Variants in CDHR5 observed in about 807,000 individuals in gnomAD.
CDHR5 encodes the protein cadherin-related family member 5.
A neutral mutation model predicts 69.5 loss-of-function variants in CDHR5; 82 were observed. That is an observed-to-expected ratio of 1.18 (90% CI 0.99 to 1.42). CDHR5 has a LOEUF of 1.42. Among genes scored for constraint, CDHR5 ranks in the 40% most tolerant of loss-of-function variants. CDHR5 has a pLI of 0.00. For synonymous variants in CDHR5, 601 were observed against 510.2 expected (o/e 1.18, Z -2.40); for missense variants, 1,293 against 1,168.9 (o/e 1.11, Z -1.55).
chr11:616,900 TGGG>T lies in CDHR5; in HGVS notation c.*448_*450del, dbSNP rs1278257456. On this transcript the variant is annotated 3_prime_UTR_variant, in exon 15 of 15. Transcript: ENST00000397542. ...CCACCGGCTCCCAAGTGCGTCGCCTTGGGGGTTTGCATCGGCTCCTCAGCCTCC... is the reference window on the plus strand; with the variant it reads ...CCACCGGCTCCCAAGTGCGTCGCCTTGGTTTGCATCGGCTCCTCAGCCTCC... 1 of 186,800 alleles carries T rather than the reference TGGG, an allele frequency of 5.4e-6. No homozygotes were observed. The highest frequency in any genetic ancestry group is 1.6e-4 in the East Asian group (1 of 6,302). The allele number at this position is 186,800 out of a possible 1,614,324, so 11.6% of individuals were successfully genotyped here.
In CDHR5 at chr11:618,102, G is replaced by GGGCC; in HGVS notation, c.1966_1969dup (p.Pro657ArgfsTer59). 1 of 1,608,838 alleles carries GGGCC rather than the reference G, an allele frequency of 6.2e-7. No homozygotes were observed. The highest frequency in any genetic ancestry group is 1.7e-5 in the Admixed American group (1 of 59,208). Reference sequence around the variant, plus strand: ...CACCGAGAAGCGCTTGTCCTCCGAGGGGCCGCCACCTGGCATCGCAGTGGA... The same window carrying GGGCC: ...CACCGAGAAGCGCTTGTCCTCCGAGGGGCCGGCCGCCACCTGGCATCGCAGTGGA... On this transcript the variant is annotated frameshift_variant, in exon 14 of 15. Transcript: ENST00000397542. LOFTEE classifies it high-confidence loss of function.
chr11:622,403 C>G (rs1378167952), intron 3 of CDHR5, among the ~76,000 whole-genome samples: 1 of 150,488 alleles, frequency 6.6e-6, no homozygotes, highest in East Asian at 1.9e-4. Context: ...TGAGGAAAGA[C>G]AATCCATTTT....
In CDHR5 at chr11:624,496, C is replaced by T; in HGVS notation, c.261+61G>A. The T allele has an allele frequency of 6.5e-7, 1 of 1,528,156 alleles. No individual in the cohort carries two copies. Among genetic ancestry groups the T allele is most frequent in the Non-Finnish European group, 9.1e-7 (1 of 1,102,914 alleles). 94.7% of individuals were successfully genotyped at this position (1,528,156 alleles called of 1,614,324 possible). ...TCCTAGGCCCCCAAGGGAGGTGTGG[C>T]CTGAGGATGCAGGTGCCCTTCTCCC... On this transcript the variant is annotated intron_variant, in intron 2 of 14. Transcript: ENST00000397542. The surrounding 1 kb of genome is among the most constrained non-coding windows in gnomAD (Gnocchi z 5.3).
Position 620,443 on chromosome 11 carries a change from C to A in CDHR5, c.790-57G>T, listed in dbSNP as rs1857306596. ...TGGGGCTGGGGTGGATGGCCCCAGCCTGGCCCCTCTGACTCCCCATCAAGG... is the reference window on the plus strand; with the variant it reads ...TGGGGCTGGGGTGGATGGCCCCAGCATGGCCCCTCTGACTCCCCATCAAGG... On this transcript the variant is annotated intron_variant, in intron 7 of 14. Transcript: ENST00000397542. 12 of 1,245,728 alleles carry A rather than the reference C, an allele frequency of 9.6e-6. No homozygotes were observed. In the South Asian group the frequency reaches 1.7e-4, roughly 17 times the overall value. The allele number at this position is 1,245,728 out of a possible 1,614,324, so 77.2% of individuals were successfully genotyped here.
At chr11:620,256 A>G (rs1390993160) in intron 8 of CDHR5, 40 bp downstream of exon 8, 4 of 1,585,406 alleles carry the variant, frequency 2.5e-6, no homozygotes, top group Non-Finnish European at 3.5e-6. Context: ...ACAGGGACAG[A>G]GGGGGTACAG....
rs1447941611 is a variant in CDHR5 at position 619,773 on chromosome 11, C to T, written c.1087G>A (p.Val363Met). 4.3e-6 allele frequency: 7 copies of T among 1,610,404 alleles called. No individual in the cohort carries two copies. The highest frequency in any genetic ancestry group is 1.1e-5 in the South Asian group (1 of 91,034). Residue 363 changes from valine to methionine, a missense_variant, in exon 10 of 15, where the codon GTG (valine) becomes ATG (methionine). Val to Met is a conservative substitution (Grantham distance 21, BLOSUM62 1). Coordinates refer to ENST00000397542, the MANE Select transcript of CDHR5 (RefSeq NM_021924.5). ...ACGCCCGCTCCAGCGCCACGCGCCACGGTGCCACGATACAGTCTCTGGGGG... is the reference window on the plus strand; with the variant it reads ...ACGCCCGCTCCAGCGCCACGCGCCATGGTGCCACGATACAGTCTCTGGGGG... ...RFPQRLYRGT[V>M]ARGAGAGVVV... is the part of the protein sequence containing the mutation.
rs753606666 is a variant in CDHR5 at position 624,890 on chromosome 11, C to T, written c.13G>A (p.Ala5Thr). Residue 5 changes from alanine (A) to threonine (T), a missense_variant, in exon 1 of 15, where the codon GCC becomes ACC. Coordinates refer to ENST00000397542, the MANE Select transcript of CDHR5 (RefSeq NM_021924.5). The surrounding 1 kb of genome is among the most constrained non-coding windows in gnomAD (Gnocchi z 5.3). MGSW[A>T]LLWPPLLFTG... is the part of the protein sequence containing the mutation. Reference sequence around the variant, plus strand: ...AACAGCAGGGGAGGCCACAGCAGGGCCCAAGACCCCATCTTGGCGGCTGTC... The same window carrying T: ...AACAGCAGGGGAGGCCACAGCAGGGTCCAAGACCCCATCTTGGCGGCTGTC... 60 of 1,559,892 alleles carry T rather than the reference C, an allele frequency of 3.8e-5. No homozygotes were observed. The highest frequency in any genetic ancestry group is 4.7e-5 in the Non-Finnish European group (54 of 1,155,042).
rs1357858468 is a variant in CDHR5, at chr11:621,957, C to T, written c.313-53G>A. ...CACAGCCCCTCCCCGTTGTGAGGTGCACCCCTCGACGGCTATCCGTCCCCA... is the reference window on the plus strand; with the variant it reads ...CACAGCCCCTCCCCGTTGTGAGGTGTACCCCTCGACGGCTATCCGTCCCCA... On this transcript the variant is annotated intron_variant, in intron 3 of 14. Transcript: ENST00000397542. This position sits in a 1 kb window ranked among gnomAD's most constrained non-coding sequence, Gnocchi z 4.4. The T allele has an allele frequency of 1.3e-5, 18 of 1,407,912 alleles. No homozygotes were observed. In the African/African-American group the frequency reaches 2.3e-4, roughly 18 times the overall value. The allele number at this position is 1,407,912 out of a possible 1,614,324, so 87.2% of individuals were successfully genotyped here.
chr11:619,361 G>A lies in CDHR5; in HGVS notation c.1323C>T (p.Gly441=). The change falls in exon 12 of 15, where the codon GGC becomes GGT. Residue 441 remains glycine (G), a synonymous_variant. Transcript: ENST00000397542. ...EVEAHNTVTS[G]TATTVIEIQV... is the part of the protein sequence containing the mutation. ...GTATCTCAATGACTGTGGTTGCGGT[G>A]CCAGAGGTCACCGTGTTGTGGGCCT... 11 of 1,613,698 alleles carry A rather than the reference G, an allele frequency of 6.8e-6. No individual in the cohort carries two copies. The highest frequency in any genetic ancestry group is 9.3e-6 in the Non-Finnish European group (11 of 1,179,796).
In CDHR5 at chr11:624,627, G is replaced by T; in HGVS notation, c.191C>A (p.Ala64Asp). The T allele has an allele frequency of 6.2e-7, 1 of 1,613,144 alleles. No individual in the cohort carries two copies. Among genetic ancestry groups the T allele is most frequent in the Non-Finnish European group, 8.5e-7 (1 of 1,179,276 alleles). Reference sequence around the variant, plus strand: ...CCGAAATGCAAAGGGGGTGGACAAGGCTCCGAGGGTCACCTCCTGGCCCTC... The same window carrying T: ...CCGAAATGCAAAGGGGGTGGACAAGTCTCCGAGGGTCACCTCCTGGCCCTC... The part of the protein sequence containing the change: ...VPEGQEVTLG[A>D]LSTPFAFRIQ... The change falls in exon 2 of 15, where the codon GCC becomes GAC. Residue 64 changes from alanine to aspartate, a missense_variant. Ala to Asp is a moderately radical substitution (Grantham distance 126). Transcript: ENST00000397542. This position sits in a 1 kb window ranked among gnomAD's most constrained non-coding sequence, Gnocchi z 5.3.
chr11:619,899 A>C lies in CDHR5; in HGVS notation c.979-18T>G. On this transcript the variant is annotated intron_variant, in intron 9 of 14. Coordinates refer to ENST00000397542, the MANE Select transcript of CDHR5 (RefSeq NM_021924.5). ...TGTTGGCCCTGGAGGCGGGGGAGGCAGCAGTGACTAGTGGGGTTGAAGGTG... is the reference window on the plus strand; with the variant it reads ...TGTTGGCCCTGGAGGCGGGGGAGGCCGCAGTGACTAGTGGGGTTGAAGGTG... 1 of 1,520,606 alleles carries C rather than the reference A, an allele frequency of 6.6e-7. No individual in the cohort carries two copies. Among genetic ancestry groups the C allele is most frequent in the Non-Finnish European group, 8.8e-7 (1 of 1,134,256 alleles). The allele number at this position is 1,520,606 out of a possible 1,614,324, so 94.2% of individuals were successfully genotyped here.
rs1857566848 is a variant in CDHR5, at chr11:624,009, G to T, written c.312+204C>A. ...GGGAGTCTTGGGCACACTGGATGGG[G>T]TGTCTGCTGGACAAGGGGTCAGTGA... is the stretch of plus-strand genomic sequence containing the variant. On this transcript the variant is annotated intron_variant, in intron 3 of 14. Transcript: ENST00000397542. This position sits in a 1 kb window ranked among gnomAD's most constrained non-coding sequence, Gnocchi z 5.3. 6.6e-6 allele frequency among the ~76,000 whole-genome samples: 1 copy of T among 152,130 alleles called. No individual in the cohort carries two copies. The highest frequency in any genetic ancestry group is 1.5e-5 in the Non-Finnish European group (1 of 68,004).
At position 618,029 on chromosome 11, in the gene CDHR5, C is replaced by T. The variant is rs1352333412; in HGVS notation, c.2043G>A (p.Leu681=). 1 of 1,599,248 alleles carries T rather than the reference C, an allele frequency of 6.3e-7. No individual in the cohort carries two copies. Among genetic ancestry groups the T allele is most frequent in the African/African-American group, 1.3e-5 (1 of 74,712 alleles). The change falls in exon 14 of 15, where the codon CTG becomes CTA. Residue 681 remains leucine, a synonymous_variant. Transcript: ENST00000397542. Reference sequence around the variant, plus strand: ...CAAGGACGGCGAGGCCAAGGAGAGCCAGCAGCAGCAGCGCACCCAGCACCC... The same window carrying T: ...CAAGGACGGCGAGGCCAAGGAGAGCTAGCAGCAGCAGCGCACCCAGCACCC... The part of the protein sequence containing the change: ...LGGVLGALLL[L]ALLGLAVLVH...
Position 617,180 on chromosome 11 carries a change from A to G in CDHR5, c.*171T>C, listed in dbSNP as rs954083491. 19 of 612,338 alleles carry G rather than the reference A, an allele frequency of 3.1e-5. No individual in the cohort carries two copies. The highest frequency in any genetic ancestry group is 5.6e-5 in the Non-Finnish European group (19 of 339,586). 37.9% of individuals were successfully genotyped at this position (612,338 alleles called of 1,614,324 possible). Reference sequence around the variant, plus strand: ...CGCCTCATCTGCACACCTGGGCTCAAGCGCTAATGACGACAGGGGACTGAG... The same window carrying G: ...CGCCTCATCTGCACACCTGGGCTCAGGCGCTAATGACGACAGGGGACTGAG... On this transcript the variant is annotated 3_prime_UTR_variant, in exon 15 of 15. Transcript: ENST00000397542.
Position 624,743 on chromosome 11 carries a change from G to C in CDHR5, c.86-11C>G. ...TGTTCACAGAGCAGTCTGTAAGGTT[G>C]CAGAGGAGGGATCAGTGCCTCCCAG... On this transcript the variant is annotated splice_polypyrimidine_tract_variant and intron_variant, in intron 1 of 14. Transcript: ENST00000397542. This position sits in a 1 kb window ranked among gnomAD's most constrained non-coding sequence, Gnocchi z 5.3. 3 of 1,603,852 alleles carry C rather than the reference G, an allele frequency of 1.9e-6. No individual in the cohort carries two copies. Among genetic ancestry groups the C allele is most frequent in the Middle Eastern group, 1.7e-4 (1 of 6,010 alleles).
At chr11:623,388 C>T (rs1302784142) in intron 3 of CDHR5, among the ~76,000 whole-genome samples, 1 of 152,158 alleles carries the variant, frequency 6.6e-6, no homozygotes, top group East Asian at 1.9e-4. Flanking sequence ...GGGCACAGAG[C>T]CTGCTGTGTG....
At chr11:618,214 G>T in intron 13 of CDHR5, 103 bp from the exon 14 acceptor site, 1 of 979,038 alleles carries the variant, frequency 1.0e-6, no homozygotes, top group Non-Finnish European at 1.5e-6. Flanking sequence ...GTTCCACCCA[G>T]GCCTGGGCTG....
chr11:621,066 T>C lies in CDHR5; in HGVS notation c.789+14A>G. On this transcript the variant is annotated intron_variant, in intron 7 of 14. Transcript: ENST00000397542. The surrounding 1 kb of genome is among the most constrained non-coding windows in gnomAD (Gnocchi z 4.4). Reference sequence around the variant, plus strand: ...AAGGCCCTGCCCCGTGCACTGCCCCTCCCTCCCCATTACCAGTATGTGCCC... The same window carrying C: ...AAGGCCCTGCCCCGTGCACTGCCCCCCCCTCCCCATTACCAGTATGTGCCC... The C allele has an allele frequency of 7.5e-7, 1 of 1,335,876 alleles. No homozygotes were observed. Among genetic ancestry groups the C allele is most frequent in the Admixed American group, 2.4e-5 (1 of 40,894 alleles). 82.8% of individuals were successfully genotyped at this position (1,335,876 alleles called of 1,614,324 possible).
chr11:624,309 G>A lies in CDHR5; in HGVS notation c.262-46C>T. 1.3e-6 allele frequency: 1 copy of A among 741,912 alleles called. No homozygotes were observed. Among genetic ancestry groups the A allele is most frequent in the Non-Finnish European group, 2.5e-6 (1 of 398,808 alleles). 46.0% of individuals were successfully genotyped at this position (741,912 alleles called of 1,614,324 possible). A position where few individuals can be genotyped will look rare whatever the true frequency, so the allele number is the denominator to read the frequency against. On this transcript the variant is annotated intron_variant, in intron 2 of 14. Transcript: ENST00000397542. The surrounding 1 kb of genome is among the most constrained non-coding windows in gnomAD (Gnocchi z 5.3). ...GCAGTCACCGTCCTGCCCCACAGGT[G>A]GGGAGACTGAGGCCAAGTGGGCAGG...
Sources: gnomAD v4.1 joint callset for allele counts (sites outside exome capture counted in the v4.1 genomes callset) on GRCh38, gnomAD v4.1.1 for gene constraint, Gnocchi (gnomAD v3.1) non-coding constraint, MANE v1.5 for transcripts, NCBI Gene and HGNC (gene_info 2026-07-23, HGNC 2026-07-21) for gene names.